The following NALF1 variants were observed in gnomAD, a reference collection of about 807,000 sequenced individuals.
NALF1 encodes NALCN channel auxiliary factor 1, also known as family with sequence similarity 155 member A.
NALF1 carries 3 observed loss-of-function variants against 48.4 expected under a neutral mutation model. The ratio of observed to expected loss-of-function variants is 0.06; its 90% CI spans 0.03 to 0.16. The LOEUF (loss-of-function observed/expected upper bound fraction) is 0.16. Among genes scored for constraint, NALF1 ranks in the 10% least tolerant of loss-of-function variants. The pLI is 1.00. For synonymous variants in NALF1, 262 were observed against 245.7 expected (o/e 1.07, Z -0.62); for missense variants, 526 against 571.5 (o/e 0.92, Z 0.81).
intron 2 of NALF1, among the ~76,000 whole-genome samples, chr13:107,193,274 G>A (rs1416383970): frequency 6.6e-6 from 1 of 152,168 alleles, no homozygotes; most frequent in Non-Finnish European, 1.5e-5. Flanking sequence ...TTTAGGATAT[G>A]TGAACAAAAC....
chr13:107,658,597 ACT>A (rs1373799501), intron 1 of NALF1, among the ~76,000 whole-genome samples: 4 of 151,872 alleles, frequency 2.6e-5, no homozygotes, highest in Non-Finnish European at 5.9e-5. Flanking sequence ...GCATTTTCAA[ACT>A]CTATTTCTTG....
At chr13:107,403,321 T>C (rs944268272) in intron 1 of NALF1, among the ~76,000 whole-genome samples, 1 of 151,284 alleles carries the variant, frequency 6.6e-6, no homozygotes, top group Non-Finnish European at 1.5e-5. Context: ...AAGCCAATTT[T>C]TGGTTGCCTG....
At chr13:107,650,106 G>T (rs1403900459) in intron 1 of NALF1, among the ~76,000 whole-genome samples, 1 of 152,140 alleles carries the variant, frequency 6.6e-6, no homozygotes, top group East Asian at 1.9e-4. Context: ...TGCCTGTTAA[G>T]TCAAAGATCG....
At chr13:107,824,547 C>G (rs1311182817) in intron 1 of NALF1, among the ~76,000 whole-genome samples, 1 of 152,124 alleles carries the variant, frequency 6.6e-6, no homozygotes, top group Non-Finnish European at 1.5e-5. Flanking sequence ...AAGGGAAGAA[C>G]AGAAGTCATG....
rs149903270 is a variant in NALF1, at chr13:107,336,480, T to G, written c.916-125725A>C. 3.3e-3 allele frequency among the ~76,000 whole-genome samples: 499 copies of G among 152,240 alleles called. 1 individual carries two copies. Among genetic ancestry groups the G allele is most frequent in the African/African-American group, 0.012 (481 of 41,546 alleles). On this transcript the variant is annotated intron_variant, in intron 1 of 2. Coordinates refer to ENST00000375915, the MANE Select transcript of NALF1 (RefSeq NM_001080396.3). The stretch of plus-strand genomic sequence containing the variant: ...ACAATAGTTGAATTCTTATCTATAT[T>G]TATTTGTTGATTGCTATCAATGCAA...
At chr13:107,771,362 T>C (rs886559576) in intron 1 of NALF1, among the ~76,000 whole-genome samples, 3 of 151,912 alleles carry the variant, frequency 2.0e-5, no homozygotes, top group Admixed American at 1.3e-4. Flanking sequence ...TCATAATACA[T>C]AACATACTTA....
At chr13:107,627,492 G>A (rs1879708544) in intron 1 of NALF1, among the ~76,000 whole-genome samples, 1 of 152,106 alleles carries the variant, frequency 6.6e-6, no homozygotes, top group Non-Finnish European at 1.5e-5. Context: ...ATGGGTGCTA[G>A]TGAAACCTTA....
chr13:107,198,770 G>A (rs962779554), intron 2 of NALF1, among the ~76,000 whole-genome samples: 3 of 152,096 alleles, frequency 2.0e-5, no homozygotes, highest in Admixed American at 6.5e-5. Flanking sequence ...GGCTCCTTCC[G>A]GGGGGTTTTC....
intron 1 of NALF1, among the ~76,000 whole-genome samples, chr13:107,584,089 T>C (rs915946522): frequency 1.3e-5 from 2 of 152,138 alleles, no homozygotes; most frequent in Non-Finnish European, 2.9e-5. Flanking sequence ...TTTAAATTTA[T>C]GGAAAATCGT....
At chr13:107,178,951 CA>C (rs113886983) in intron 2 of NALF1, among the ~76,000 whole-genome samples, 5,872 of 143,742 alleles carry the variant, frequency 0.041, 142 homozygotes, top group Middle Eastern at 0.056. Context: ...TCTCAAAAAA[CA>C]AACAAAAAAA....
intron 1 of NALF1, among the ~76,000 whole-genome samples, chr13:107,562,601 A>T (rs943431722): frequency 6.6e-5 from 10 of 152,224 alleles, no homozygotes; most frequent in Admixed American, 3.9e-4. Context: ...TGGATCTTTA[A>T]GCTGTCATCT....
intron 2 of NALF1, among the ~76,000 whole-genome samples, chr13:107,173,052 GA>G (rs1878838642): frequency 6.6e-6 from 1 of 151,968 alleles, no homozygotes; most frequent in Non-Finnish European, 1.5e-5. Context: ...TAATTCCACA[GA>G]GTATTTTACA....
At chr13:107,395,610 T>C (rs1294368368) in intron 1 of NALF1, among the ~76,000 whole-genome samples, 4 of 152,144 alleles carry the variant, frequency 2.6e-5, no homozygotes, top group African/African-American at 9.7e-5. Flanking sequence ...TGCAGTTCTC[T>C]CTGAAACTGC....
At chr13:107,724,399 T>C (rs775146710) in intron 1 of NALF1, among the ~76,000 whole-genome samples, 9 of 152,242 alleles carry the variant, frequency 5.9e-5, no homozygotes, top group Non-Finnish European at 1.0e-4. Context: ...TTTTATCTTA[T>C]TTCTTTTTAA....
At chr13:107,417,890 G>A (rs967260337) in intron 1 of NALF1, among the ~76,000 whole-genome samples, 3 of 152,028 alleles carry the variant, frequency 2.0e-5, no homozygotes, top group African/African-American at 7.2e-5. Flanking sequence ...ACGAAACCCC[G>A]TCTCTACTAA....
chr13:107,463,444 T>C (rs1194325622), intron 1 of NALF1, among the ~76,000 whole-genome samples: 3 of 152,192 alleles, frequency 2.0e-5, no homozygotes, highest in Non-Finnish European at 4.4e-5. Flanking sequence ...GAAAGGATGT[T>C]GCTGGACCAA....
At chr13:107,710,874 TAC>T (rs1361377330) in intron 1 of NALF1, among the ~76,000 whole-genome samples, 15 of 150,808 alleles carry the variant, frequency 9.9e-5, no homozygotes, top group African/African-American at 3.7e-4. Context: ...TATGTATATA[TAC>T]ACATATATAC....
In NALF1 at chr13:107,199,955, T is replaced by G. The variant is rs1381286203; in HGVS notation, c.1087+10629A>C. ...TGAGTGACACCTCCCACCACAGAGC[T>G]TCTTCTTGCTCAAAGGACGGAGTTG... On this transcript the variant is annotated intron_variant, in intron 2 of 2. Transcript: ENST00000375915. Among the ~76,000 whole-genome samples, 2 of 151,884 alleles carry G rather than the reference T, an allele frequency of 1.3e-5. 1 individual carries two copies. The highest frequency in any genetic ancestry group is 2.9e-5 in the Non-Finnish European group (2 of 68,018).
chr13:107,441,154 C>T (rs1035458375), intron 1 of NALF1, among the ~76,000 whole-genome samples: 1 of 152,154 alleles, frequency 6.6e-6, no homozygotes, highest in Non-Finnish European at 1.5e-5. Context: ...CTATCTCTTG[C>T]CCCCAACACC....
Sources: allele counts gnomAD v4.1 joint callset (sites outside exome capture counted in the v4.1 genomes callset), GRCh38; gene constraint gnomAD v4.1.1; transcripts MANE v1.5; gene names NCBI Gene and HGNC (gene_info 2026-07-23, HGNC 2026-07-21).